Variants in GRM7 observed in about 807,000 individuals in gnomAD.
GRM7 encodes metabotropic glutamate receptor 7.
A neutral mutation model predicts 84.5 loss-of-function variants in GRM7; 35 were observed. That is an observed-to-expected ratio of 0.41 (90% CI 0.32 to 0.55). The LOEUF (loss-of-function observed/expected upper bound fraction) is 0.55, where lower values mean the gene tolerates loss of function less well. Among genes scored for constraint, GRM7 ranks in the 20% least tolerant of loss-of-function variants. GRM7 has a pLI of 0.19. For missense variants in GRM7, 1,003 were observed against 1,194.6 expected (o/e 0.84, Z 2.36); for synonymous variants, 487 against 455.1 (o/e 1.07, Z -0.89).
chr3:7,469,301 G>T (rs112266797), intron 7 of GRM7, among the ~76,000 whole-genome samples: 2,191 of 152,288 alleles, frequency 0.014, 23 homozygotes, highest in African/African-American at 0.025. Flanking sequence ...TTCCCTAAGT[G>T]CTCTGTAAGC....
At chr3:6,959,881 A>G (rs1223858157) in intron 1 of GRM7, among the ~76,000 whole-genome samples, 1 of 152,100 alleles carries the variant, frequency 6.6e-6, no homozygotes, top group Non-Finnish European at 1.5e-5. Context: ...AACAAATGGA[A>G]ACTCATGGAG....
intron 7 of GRM7, among the ~76,000 whole-genome samples, chr3:7,576,528 G>A (rs921601278): frequency 6.6e-6 from 1 of 152,182 alleles, no homozygotes; most frequent in Non-Finnish European, 1.5e-5. Context: ...GTTGATGAAA[G>A]AATCACTCTC....
intron 2 of GRM7, among the ~76,000 whole-genome samples, chr3:7,298,185 TTTATTCCAC>T (rs1351185916): frequency 1.9e-4 from 29 of 152,178 alleles, no homozygotes; most frequent in African/African-American, 6.5e-4. Flanking sequence ...TGGTTTTAGT[TTTATTCCAC>T]TTATTCCACT....
At chr3:6,988,617 CT>C (rs1307461971) in intron 1 of GRM7, among the ~76,000 whole-genome samples, 1 of 152,120 alleles carries the variant, frequency 6.6e-6, no homozygotes, top group Non-Finnish European at 1.5e-5. Flanking sequence ...TGTTTTCCCC[CT>C]ATTAAAATTG....
At chr3:6,920,944 A>T (rs967438801) in intron 1 of GRM7, among the ~76,000 whole-genome samples, 15 of 152,220 alleles carry the variant, frequency 9.9e-5, no homozygotes, top group African/African-American at 3.6e-4. Context: ...CTAAAGATAC[A>T]TCTTAGATTA....
At chr3:7,560,347 A>G (rs561942647) in intron 7 of GRM7, 1 of 152,180 alleles carries the variant, frequency 6.6e-6, no homozygotes, top group South Asian at 2.1e-4. Context: ...GTGGAGGAAA[A>G]TGAATTGCAA....
At chr3:7,365,333 A>ACTCTTCTCTCTCAT (rs1200402192) in intron 4 of GRM7, among the ~76,000 whole-genome samples, 1 of 151,292 alleles carries the variant, frequency 6.6e-6, no homozygotes, top group Non-Finnish European at 1.5e-5. Context: ...GTTAACTCAC[A>ACTCTTCTCTCTCAT]CTCTTCTCTC....
intron 4 of GRM7, among the ~76,000 whole-genome samples, chr3:7,334,535 C>G (rs1024555519): frequency 6.6e-6 from 1 of 151,984 alleles, no homozygotes; most frequent in South Asian, 2.1e-4. Context: ...TAGGCAACAA[C>G]TAGCATGATG....
intron 1 of GRM7, among the ~76,000 whole-genome samples, chr3:7,014,861 G>C (rs1252262910): frequency 6.6e-6 from 1 of 152,142 alleles, no homozygotes; most frequent in African/African-American, 2.4e-5. Context: ...GAACTTTTCT[G>C]TCTTACAAGA....
At chr3:6,983,847 G>C (rs1350914287) in intron 1 of GRM7, among the ~76,000 whole-genome samples, 1 of 150,866 alleles carries the variant, frequency 6.6e-6, no homozygotes, top group African/African-American at 2.4e-5. Context: ...AATATTAATA[G>C]ATCTTACTAA....
chr3:7,368,753 C>T (rs916634379), intron 4 of GRM7, among the ~76,000 whole-genome samples: 9 of 152,106 alleles, frequency 5.9e-5, no homozygotes, highest in Admixed American at 3.3e-4. Context: ...CTGAACTGTT[C>T]TTGGTATAGT....
intron 2 of GRM7, among the ~76,000 whole-genome samples, chr3:7,205,564 C>A (rs1575029450): frequency 6.6e-6 from 1 of 152,242 alleles, no homozygotes; most frequent in East Asian, 1.9e-4. Flanking sequence ...ATATTGCTTT[C>A]CAATAATAAG....
intron 1 of GRM7, among the ~76,000 whole-genome samples, chr3:7,069,398 C>T (rs1272218856): frequency 6.6e-6 from 1 of 151,992 alleles, no homozygotes; most frequent in Admixed American, 6.6e-5. Flanking sequence ...AACAAATACT[C>T]CGTCCTTTCT....
intron 4 of GRM7, among the ~76,000 whole-genome samples, chr3:7,358,827 G>T (rs1693524837): frequency 6.6e-6 from 1 of 151,972 alleles, no homozygotes. Flanking sequence ...TAAACTTAGA[G>T]AATTTCCTGG....
intron 1 of GRM7, among the ~76,000 whole-genome samples, chr3:6,962,689 G>A (rs1693348138): frequency 6.6e-6 from 1 of 152,184 alleles, no homozygotes; most frequent in Non-Finnish European, 1.5e-5. Flanking sequence ...AACTAGTAGT[G>A]CCAAGAGTGG....
intron 7 of GRM7, among the ~76,000 whole-genome samples, chr3:7,502,474 G>T (rs1288239267): frequency 4.6e-5 from 7 of 152,022 alleles, no homozygotes; most frequent in Admixed American, 4.6e-4. Flanking sequence ...AGAAACTTTT[G>T]ATTTCTTCCA....
chr3:6,917,308 A>C (rs1415744479), intron 1 of GRM7, among the ~76,000 whole-genome samples: 1 of 152,164 alleles, frequency 6.6e-6, no homozygotes, highest in African/African-American at 2.4e-5. Context: ...ATAATGGTGA[A>C]TGTTGACTGT....
intron 7 of GRM7, among the ~76,000 whole-genome samples, chr3:7,494,493 G>T (rs1276905861): frequency 1.3e-5 from 2 of 152,126 alleles, no homozygotes; most frequent in Non-Finnish European, 1.5e-5. Flanking sequence ...CTATAGGTTT[G>T]TGTCTGTAAA....
At chr3:7,588,389 C>A (rs1277357180) in intron 8 of GRM7, among the ~76,000 whole-genome samples, 1 of 152,180 alleles carries the variant, frequency 6.6e-6, no homozygotes. Context: ...CTCTACCCAC[C>A]CAGCTCAGGA....
Sources: allele counts gnomAD v4.1 joint callset (sites outside exome capture counted in the v4.1 genomes callset), GRCh38; gene constraint gnomAD v4.1.1; transcripts MANE v1.5; gene names NCBI Gene and HGNC (gene_info 2026-07-23, HGNC 2026-07-21).